The following RUFY1 variants were observed in gnomAD, a reference collection of about 807,000 sequenced individuals.
RUFY1 encodes the protein RUN and FYVE domain-containing protein 1.
In RUFY1, 54 loss-of-function variants were observed where a neutral mutation model predicts 94.6. The observed-to-expected ratio is 0.57, with a 90% CI of 0.46 to 0.72. The LOEUF (loss-of-function observed/expected upper bound fraction) is 0.72, where lower values mean the gene tolerates loss of function less well. Among genes scored for constraint, RUFY1 ranks in the 30% least tolerant of loss-of-function variants. The pLI is 0.00. For synonymous variants in RUFY1, 396 were observed against 347.3 expected (o/e 1.14, Z -1.56); for missense variants, 883 against 883.9 (o/e 1.00, Z 0.01).
intron 3 of RUFY1, among the ~76,000 whole-genome samples, chr5:179,566,924 C>G (rs1258318894): frequency 6.6e-6 from 1 of 151,482 alleles, no homozygotes; most frequent in African/African-American, 2.4e-5. Flanking sequence ...TGTGGTGATG[C>G]ATGCCTGTAA....
intron 8 of RUFY1, among the ~76,000 whole-genome samples, chr5:179,588,000 A>G (rs1764749249): frequency 6.6e-6 from 1 of 151,704 alleles, no homozygotes; most frequent in Admixed American, 6.6e-5. Context: ...GTCTCAATTA[A>G]AAAAACAAAG....
intron 1 of RUFY1, among the ~76,000 whole-genome samples, chr5:179,552,283 C>T (rs575325300): frequency 2.0e-5 from 3 of 151,858 alleles, no homozygotes; most frequent in African/African-American, 7.2e-5. Flanking sequence ...AGAACATTGC[C>T]AACTTCATAG....
chr5:179,561,607 T>A (rs6899218), intron 2 of RUFY1, among the ~76,000 whole-genome samples: 82,228 of 148,580 alleles, frequency 0.55, 23,230 homozygotes, highest in East Asian at 0.78. Flanking sequence ...ATCCTTGATT[T>A]TGCCATCAAG....
In RUFY1 at chr5:179,609,636, C is replaced by T. The variant is rs1361208306; in HGVS notation, c.*117C>T. On this transcript the variant is annotated 3_prime_UTR_variant, in exon 18 of 18. Coordinates refer to ENST00000319449, the MANE Select transcript of RUFY1 (RefSeq NM_025158.5). ...AAAGGAAAGAATCAAATTTCTTGCC[C>T]GGTCACTGGCACTCCAGAAGACAGC... The T allele has an allele frequency of 1.8e-5, 19 of 1,056,216 alleles. No homozygotes were observed. Among genetic ancestry groups the T allele is most frequent in the Non-Finnish European group, 2.1e-5 (16 of 761,256 alleles). The allele number at this position is 1,056,216 out of a possible 1,614,324, so 65.4% of individuals were successfully genotyped here.
Position 179,550,801 on chromosome 5 carries a change from T to C in RUFY1, c.232T>C (p.Ser78Pro). The C allele has an allele frequency of 4.5e-6, 6 of 1,325,190 alleles. No individual in the cohort carries two copies. The highest frequency in any genetic ancestry group is 5.8e-6 in the Non-Finnish European group (6 of 1,036,482). 82.1% of individuals were successfully genotyped at this position (1,325,190 alleles called of 1,614,324 possible). A position where few individuals can be genotyped will look rare whatever the true frequency, so the allele number is the denominator to read the frequency against. ...GGCACGCAGGGCCACCGGGAACCTG[T>C]CGGCGAGCTGCGGGAGCGCGCTGCG... ...TLARRATGNL[S>P]ASCGSALRAA... is the part of the protein sequence containing the mutation. The change falls in exon 1 of 18, where the codon TCG (serine) becomes CCG (proline). Residue 78 changes from serine to proline, a missense_variant. By Grantham distance (74) the Ser-to-Pro change is moderately conservative. Coordinates refer to ENST00000319449, the MANE Select transcript of RUFY1 (RefSeq NM_025158.5).
intron 7 of RUFY1, among the ~76,000 whole-genome samples, chr5:179,583,899 A>G (rs966485331): frequency 8.7e-5 from 13 of 149,674 alleles, no homozygotes; most frequent in South Asian, 2.1e-4. Context: ...GCAGGCGCCC[A>G]CCACCATGCC....
intron 5 of RUFY1, 24 bp downstream of exon 5, chr5:179,569,449 A>G (rs1217534699): frequency 5.0e-6 from 8 of 1,612,606 alleles, no homozygotes; most frequent in Admixed American, 1.7e-5. Flanking sequence ...TTGGCTCTAG[A>G]TGAACACTTT....
intron 10 of RUFY1, 45 bp downstream of exon 10, chr5:179,591,786 G>C (rs1765128944): frequency 2.7e-6 from 3 of 1,107,700 alleles, no homozygotes; most frequent in Non-Finnish European, 4.0e-6. Flanking sequence ...TTTCCCCGTA[G>C]TGTTAATTCT....
rs184345750 is a variant in RUFY1, at chr5:179,590,708, G to A, written c.1129-917G>A. Among the ~76,000 whole-genome samples the A allele has an allele frequency of 9.2e-3, 1,395 of 151,680 alleles. 25 individuals are homozygous for A. The highest frequency in any genetic ancestry group is 0.03 in the African/African-American group (1,238 of 41,350). Reference sequence around the variant, plus strand: ...TTCACCATGTTGGCCAGATGGTCTCGATCTCCTGACCTCGTGATCCACCCG... The same window carrying A: ...TTCACCATGTTGGCCAGATGGTCTCAATCTCCTGACCTCGTGATCCACCCG... On this transcript the variant is annotated intron_variant, in intron 9 of 17. Coordinates refer to ENST00000319449, the MANE Select transcript of RUFY1 (RefSeq NM_025158.5).
chr5:179,596,523 G>C, intron 12 of RUFY1, 39 bp from the exon 13 acceptor site: 1 of 1,613,288 alleles, frequency 6.2e-7, no homozygotes, highest in Non-Finnish European at 8.5e-7. Context: ...TCCTTACAAA[G>C]ATTTGCTTCA....
rs772718141 is a variant in RUFY1 at position 179,556,593 on chromosome 5, C to T, written c.311-3432C>T. Among the ~76,000 whole-genome samples, 3 of 151,992 alleles carry T rather than the reference C, an allele frequency of 2.0e-5. No individual in the cohort carries two copies. In the East Asian group the frequency reaches 5.8e-4, roughly 29 times the overall value. ...TCGGCTCACTGCAACCTCCGCCTCC[C>T]GAGTTCAAGTGATCCTCCCACCTCA... is the stretch of plus-strand genomic sequence containing the variant. On this transcript the variant is annotated intron_variant, in intron 1 of 17. Transcript: ENST00000319449.
At chr5:179,570,676 C>G (rs1213651524) in intron 5 of RUFY1, among the ~76,000 whole-genome samples, 1 of 152,158 alleles carries the variant, frequency 6.6e-6, no homozygotes, top group Non-Finnish European at 1.5e-5. Context: ...TTTACACTAC[C>G]TAGCAAAATT....
At chr5:179,609,111 G>A (rs1767433880) in intron 17 of RUFY1, among the ~76,000 whole-genome samples, 1 of 150,336 alleles carries the variant, frequency 6.7e-6, no homozygotes, top group Non-Finnish European at 1.5e-5. Flanking sequence ...CCCAGCTACT[G>A]CCGGAGAATG....
At chr5:179,604,212 G>C (rs1766779658) in intron 15 of RUFY1, among the ~76,000 whole-genome samples, 1 of 152,186 alleles carries the variant, frequency 6.6e-6, no homozygotes, top group Non-Finnish European at 1.5e-5. Flanking sequence ...AACCCAGACA[G>C]GACTACCTGA....
rs73809486 is a variant in RUFY1 at position 179,593,719 on chromosome 5, A to G, written c.1413+74A>G. ...CCAGTCTTGTGTCATTCTTCTTACA[A>G]AATGAGCGAGTAGACACATAGAGCC... On this transcript the variant is annotated intron_variant, in intron 11 of 17. Coordinates refer to ENST00000319449, the MANE Select transcript of RUFY1 (RefSeq NM_025158.5). The G allele has an allele frequency of 2.1e-3, 3,169 of 1,545,566 alleles. 50 individuals are homozygous for G. The African/African-American group carries it at 0.031, about 15-fold the overall frequency.
intron 5 of RUFY1, among the ~76,000 whole-genome samples, chr5:179,575,491 C>T (rs1258581817): frequency 1.3e-5 from 2 of 152,298 alleles, no homozygotes; most frequent in East Asian, 3.9e-4. Flanking sequence ...ACTTCAAACG[C>T]ATATGCCTCA....
intron 1 of RUFY1, among the ~76,000 whole-genome samples, chr5:179,556,420 ATTAAGT>A (rs1762117018): frequency 6.6e-6 from 1 of 152,126 alleles, no homozygotes; most frequent in Admixed American, 6.5e-5. Context: ...GTGAATTATC[ATTAAGT>A]TTATTAGTAA....
chr5:179,564,296 C>G lies in RUFY1; in HGVS notation c.602+1632C>G, dbSNP rs1049989113. ...CACCAGGCCCAGGTAATTTTTGTAT[C>G]TTTAGTAGAGATGGGGTTTCACCAC... On this transcript the variant is annotated intron_variant, in intron 3 of 17. Coordinates refer to ENST00000319449, the MANE Select transcript of RUFY1 (RefSeq NM_025158.5). Among the ~76,000 whole-genome samples, 9 of 151,072 alleles carry G rather than the reference C, an allele frequency of 6.0e-5. No individual in the cohort carries two copies. In the Middle Eastern group the frequency reaches 0.01, roughly 174 times the overall value.
At chr5:179,560,725 C>CAAAAAAAAAAAAAAAAA (rs68093858) in intron 2 of RUFY1, among the ~76,000 whole-genome samples, 4 of 78,802 alleles carry the variant, frequency 5.1e-5, no homozygotes, top group Non-Finnish European at 5.0e-5. Context: ...GACTCCGTCT[C>CAAAAAAAAAAAAAAAAA]AAAAAAAAAA....
Sources: gnomAD v4.1 joint callset for allele counts (sites outside exome capture counted in the v4.1 genomes callset) on GRCh38, gnomAD v4.1.1 for gene constraint, MANE v1.5 for transcripts, NCBI Gene and HGNC (gene_info 2026-07-23, HGNC 2026-07-21) for gene names.